The following TMEM135 variants were observed in gnomAD, a reference collection of about 807,000 sequenced individuals.
TMEM135 encodes the protein transmembrane protein 135, also known as peroxisomal membrane protein 52.
A neutral mutation model predicts 60.3 loss-of-function variants in TMEM135; 30 were observed. The observed-to-expected ratio is 0.50, with a 90% CI of 0.37 to 0.68. The LOEUF is 0.68. Among genes scored for constraint, TMEM135 ranks in the 30% least tolerant of loss-of-function variants. The pLI is 0.00. For missense variants in TMEM135, 468 were observed against 548.8 expected, an observed-to-expected ratio of 0.85 and a Z score of 1.47; for synonymous variants, 190 against 186.7, an observed-to-expected ratio of 1.02 and a Z score of -0.14.
chr11:87,122,759 C>A (rs1454322055), intron 4 of TMEM135, among the ~76,000 whole-genome samples: 6 of 152,076 alleles, frequency 3.9e-5, no homozygotes, highest in African/African-American at 1.4e-4. Flanking sequence ...CCGCGCCTGG[C>A]CAGATCATTT....
intron 5 of TMEM135, among the ~76,000 whole-genome samples, chr11:87,184,669 A>G (rs1429767582): frequency 2.0e-5 from 3 of 152,114 alleles, no homozygotes; most frequent in Non-Finnish European, 4.4e-5. Flanking sequence ...GTTATATAAG[A>G]GACTCTAAAT....
chr11:87,303,101 G>A (rs573458309), intron 8 of TMEM135, among the ~76,000 whole-genome samples: 1 of 152,240 alleles, frequency 6.6e-6, no homozygotes, highest in East Asian at 1.9e-4. Flanking sequence ...TGAACCTCTG[G>A]GCCATGGACC....
chr11:87,054,460 A>G (rs1370397676), intron 1 of TMEM135, among the ~76,000 whole-genome samples: 1 of 152,114 alleles, frequency 6.6e-6, no homozygotes, highest in Non-Finnish European at 1.5e-5. Flanking sequence ...AAAAAGAAAA[A>G]TATTTAGTAA....
intron 6 of TMEM135, 87 bp from the exon 7 acceptor site, chr11:87,295,695 T>G: frequency 8.4e-7 from 1 of 1,192,596 alleles, no homozygotes; most frequent in Non-Finnish European, 1.2e-6. Context: ...GTTTCATCTT[T>G]TAAAACATTA....
Position 87,244,583 on chromosome 11 carries a change from A to G in TMEM135, c.509+7899A>G. Among the ~76,000 whole-genome samples the G allele has an allele frequency of 3.7e-5, 3 of 81,154 alleles. 1 individual carries two copies. Among genetic ancestry groups the G allele is most frequent in the African/African-American group, 4.6e-5 (1 of 21,644 alleles). 53.2% of individuals were successfully genotyped at this position (81,154 alleles called of 152,430 possible). A position where few individuals can be genotyped will look rare whatever the true frequency, so the allele number is the denominator to read the frequency against. On this transcript the variant is annotated intron_variant, in intron 6 of 14. Transcript: ENST00000305494. Reference sequence around the variant, plus strand: ...TTCTTCCTGGTTTAGTCTTGGGAGGATGTATGTGTCGAGGAATTCATCCAT... The same window carrying G: ...TTCTTCCTGGTTTAGTCTTGGGAGGGTGTATGTGTCGAGGAATTCATCCAT...
intron 4 of TMEM135, among the ~76,000 whole-genome samples, chr11:87,131,017 C>CTTTA (rs145719148): frequency 0.058 from 8,712 of 149,972 alleles, 371 homozygotes; most frequent in African/African-American, 0.13. Context: ...ACAAATTAGG[C>CTTTA]TTTATTTATT....
intron 4 of TMEM135, among the ~76,000 whole-genome samples, chr11:87,112,036 A>G (rs774271996): frequency 6.6e-6 from 1 of 152,218 alleles, no homozygotes; most frequent in Non-Finnish European, 1.5e-5. Flanking sequence ...TAGTGATACC[A>G]GGAAACAAAC....
chr11:87,246,410 T>C (rs1273976379), intron 6 of TMEM135, among the ~76,000 whole-genome samples: 1 of 151,972 alleles, frequency 6.6e-6, no homozygotes, highest in Non-Finnish European at 1.5e-5. Context: ...CCTTGCTAGA[T>C]TGGGGAAGTT....
intron 2 of TMEM135, among the ~76,000 whole-genome samples, chr11:87,068,136 C>T (rs964888408): frequency 3.3e-5 from 5 of 152,168 alleles, no homozygotes; most frequent in Non-Finnish European, 7.3e-5. Context: ...TTTCATAGAT[C>T]AGGAATTCAA....
At chr11:87,225,311 T>C (rs977650090) in intron 5 of TMEM135, among the ~76,000 whole-genome samples, 2 of 152,160 alleles carry the variant, frequency 1.3e-5, no homozygotes, top group Non-Finnish European at 2.9e-5. Flanking sequence ...TAATGATCCC[T>C]ACATCGCAGG....
chr11:87,287,192 T>A (rs1313828452), intron 6 of TMEM135, among the ~76,000 whole-genome samples: 1 of 152,324 alleles, frequency 6.6e-6, no homozygotes, highest in Non-Finnish European at 1.5e-5. Flanking sequence ...GAAGTACAAA[T>A]AGAGTAGCTC....
intron 4 of TMEM135, among the ~76,000 whole-genome samples, chr11:87,125,641 G>A (rs889129738): frequency 6.6e-6 from 1 of 152,116 alleles, no homozygotes; most frequent in Admixed American, 6.6e-5. Flanking sequence ...TAAAGAGTTC[G>A]GACTTTAAGT....
rs182516931 is a variant in TMEM135 at position 87,074,085 on chromosome 11, C to T, written c.362+2470C>T. 1.5e-3 allele frequency among the ~76,000 whole-genome samples: 234 copies of T among 152,260 alleles called. 1 individual carries two copies. Among genetic ancestry groups the T allele is most frequent in the African/African-American group, 4.5e-3 (187 of 41,560 alleles). On this transcript the variant is annotated intron_variant, in intron 3 of 14. Transcript: ENST00000305494. ...GGTTCAAACGGTTTTCCTGTCTCAG[C>T]CTCCCAAGTAGCTGGGACCACAGGC...
At chr11:87,312,437 T>C (rs887178800) in intron 10 of TMEM135, among the ~76,000 whole-genome samples, 3 of 151,976 alleles carry the variant, frequency 2.0e-5, no homozygotes, top group African/African-American at 4.8e-5. Context: ...TTTATCTTTA[T>C]ATATGTTATA....
At chr11:87,283,125 G>A (rs924115487) in intron 6 of TMEM135, among the ~76,000 whole-genome samples, 4 of 151,716 alleles carry the variant, frequency 2.6e-5, no homozygotes, top group African/African-American at 7.3e-5. Context: ...ACCTGAGGTC[G>A]GGAGTTCGAG....
chr11:87,235,657 CA>C (rs1940979464), intron 5 of TMEM135, among the ~76,000 whole-genome samples: 3 of 151,952 alleles, frequency 2.0e-5, no homozygotes, highest in South Asian at 4.2e-4. Flanking sequence ...GATGTGAGGC[CA>C]TTGACGATTC....
At position 87,253,157 on chromosome 11, in the gene TMEM135, A is replaced by G. The variant is rs188830283; in HGVS notation, c.509+16473A>G. 2.0e-4 allele frequency among the ~76,000 whole-genome samples: 30 copies of G among 152,322 alleles called. No individual in the cohort carries two copies. The East Asian group carries it at 5.4e-3, about 27-fold the overall frequency. Reference sequence around the variant, plus strand: ...GCTCATTTGTTGAGTGTACTCTAAGAATGAGAAACTTGTGGCAAATCTGTT... The same window carrying G: ...GCTCATTTGTTGAGTGTACTCTAAGGATGAGAAACTTGTGGCAAATCTGTT... On this transcript the variant is annotated intron_variant, in intron 6 of 14. Transcript: ENST00000305494.
intron 4 of TMEM135, among the ~76,000 whole-genome samples, chr11:87,108,220 C>T (rs1455493374): frequency 2.0e-5 from 3 of 152,162 alleles, no homozygotes; most frequent in Admixed American, 2.0e-4. Flanking sequence ...GTTGCCTGTT[C>T]ACTATGATGA....
intron 6 of TMEM135, among the ~76,000 whole-genome samples, chr11:87,273,931 A>C (rs1345826396): frequency 1.3e-5 from 2 of 152,182 alleles, no homozygotes; most frequent in Non-Finnish European, 2.9e-5. Flanking sequence ...TACTTTGGAC[A>C]GTTGAGTTAT....
Sources: allele counts gnomAD v4.1 joint callset (sites outside exome capture counted in the v4.1 genomes callset), GRCh38; gene constraint gnomAD v4.1.1; transcripts MANE v1.5; gene names NCBI Gene and HGNC (gene_info 2026-07-23, HGNC 2026-07-21).